Variants in AQP3 observed in about 807,000 individuals in gnomAD.
AQP3 encodes the protein aquaporin 3 (Gill blood group), also known as aquaporin-3.
Under a neutral mutation model 30.3 loss-of-function variants are expected in AQP3, and 15 were observed. The observed-to-expected ratio is 0.49, with a 90% CI of 0.33 to 0.76. The LOEUF is 0.76. Among genes scored for constraint, AQP3 ranks in the 30% least tolerant of loss-of-function variants. AQP3 has a pLI of 0.02. For missense variants in AQP3, 272 were observed against 384.8 expected, an observed-to-expected ratio of 0.71 and a Z score of 2.45; for synonymous variants, 153 against 163.2, an observed-to-expected ratio of 0.94 and a Z score of 0.47.
chr9:33,441,961 G>C lies in AQP3; in HGVS notation c.*82C>G. 1 of 1,567,392 alleles carries C rather than the reference G, an allele frequency of 6.4e-7. No homozygotes were observed. Among genetic ancestry groups the C allele is most frequent in the Non-Finnish European group, 8.7e-7 (1 of 1,152,782 alleles). On this transcript the variant is annotated 3_prime_UTR_variant, in exon 6 of 6. Coordinates refer to ENST00000297991, the MANE Select transcript of AQP3 (RefSeq NM_004925.5). Reference sequence around the variant, plus strand: ...TAGCCTGAAAGGGTGGATCGTGAAGGGGGCTTCTTGGGAGTGGCCCTTGGA... The same window carrying C: ...TAGCCTGAAAGGGTGGATCGTGAAGCGGGCTTCTTGGGAGTGGCCCTTGGA...
intron 1 of AQP3, among the ~76,000 whole-genome samples, chr9:33,447,047 AC>A (rs1404522302): frequency 6.6e-6 from 1 of 152,028 alleles, no homozygotes. Context: ...CCCCTCCCCT[AC>A]ATCTGGGGGC....
intron 1 of AQP3, among the ~76,000 whole-genome samples, chr9:33,445,614 C>G (rs1288008506): frequency 6.6e-6 from 1 of 152,172 alleles, no homozygotes; most frequent in Non-Finnish European, 1.5e-5. Flanking sequence ...CTGGCTCCAT[C>G]CCAGGACGCC....
chr9:33,445,741 A>T lies in AQP3; in HGVS notation c.108+1682T>A, dbSNP rs144170694. On this transcript the variant is annotated intron_variant, in intron 1 of 5. Coordinates refer to ENST00000297991, the MANE Select transcript of AQP3 (RefSeq NM_004925.5). ...ACCGCCCCCTGCCCTCACACCAGGT[A>T]TCTCAGAGAAAGGGGCTTTCCTCAC... Among the ~76,000 whole-genome samples the T allele has an allele frequency of 7.6e-3, 1,163 of 152,134 alleles. 13 individuals are homozygous for T. Among genetic ancestry groups the T allele is most frequent in the African/African-American group, 0.027 (1,112 of 41,474 alleles).
rs1459791155 is a variant in AQP3 at position 33,441,864 on chromosome 9, G to A, written c.*179C>T. The A allele has an allele frequency of 2.0e-6, 2 of 998,068 alleles. No homozygotes were observed. The highest frequency in any genetic ancestry group is 2.3e-5 in the Admixed American group (1 of 43,980). 61.8% of individuals were successfully genotyped at this position (998,068 alleles called of 1,614,324 possible). On this transcript the variant is annotated 3_prime_UTR_variant, in exon 6 of 6. Coordinates refer to ENST00000297991, the MANE Select transcript of AQP3 (RefSeq NM_004925.5). The stretch of plus-strand genomic sequence containing the variant: ...CAGCTTAGGGGCAGTGGCCTAAGGT[G>A]CTATTTGGGCAAGGTCCAGTGGAAA...
rs1373937185 is a variant in AQP3, at chr9:33,442,259, G to C, written c.710+42C>G. 3 of 1,611,432 alleles carry C rather than the reference G, an allele frequency of 1.9e-6. No homozygotes were observed. The East Asian group carries it at 6.7e-5, about 36-fold the overall frequency. ...TCAGGGACATGGGGGGCAGGGCAGA[G>C]GAGAGGCAGGCTGGGGTGAGCTGGG... On this transcript the variant is annotated intron_variant, in intron 5 of 5. Coordinates refer to ENST00000297991, the MANE Select transcript of AQP3 (RefSeq NM_004925.5).
intron 4 of AQP3, 69 bp from the exon 5 acceptor site, chr9:33,442,587 G>A (rs867287384): frequency 1.7e-5 from 24 of 1,451,088 alleles, no homozygotes; most frequent in African/African-American, 9.8e-5. Context: ...TCCATCCCCC[G>A]TCTTCCCTCT....
intron 1 of AQP3, among the ~76,000 whole-genome samples, chr9:33,445,387 A>C (rs1159829812): frequency 6.6e-6 from 1 of 152,214 alleles, no homozygotes; most frequent in African/African-American, 2.4e-5. Context: ...TGGATAGTTA[A>C]GCATTTTGAT....
chr9:33,443,682 C>T lies in AQP3; in HGVS notation c.235+84G>A. The T allele has an allele frequency of 6.2e-7, 1 of 1,601,004 alleles. No homozygotes were observed. The highest frequency in any genetic ancestry group is 8.5e-7 in the Non-Finnish European group (1 of 1,170,372). On this transcript the variant is annotated intron_variant, in intron 2 of 5. Coordinates refer to ENST00000297991, the MANE Select transcript of AQP3 (RefSeq NM_004925.5). This position sits in a 1 kb window ranked among gnomAD's most constrained non-coding sequence, Gnocchi z 5.0. ...CAAGGGGCCAAAGCAGAGGCCACAGCTGTGACCTGCCCTTAGGAATGCCAG... is the reference window on the plus strand; with the variant it reads ...CAAGGGGCCAAAGCAGAGGCCACAGTTGTGACCTGCCCTTAGGAATGCCAG...
rs377135664 is a variant in AQP3, at chr9:33,442,246, G to C, written c.711-35C>G. On this transcript the variant is annotated intron_variant, in intron 5 of 5. Coordinates refer to ENST00000297991, the MANE Select transcript of AQP3 (RefSeq NM_004925.5). ...CAGACACTCATAGTCAGGGACATGG[G>C]GGGCAGGGCAGAGGAGAGGCAGGCT... 5.3e-5 allele frequency: 85 copies of C among 1,611,714 alleles called. No individual in the cohort carries two copies. The Middle Eastern group carries it at 9.9e-4, about 19-fold the overall frequency.
In AQP3 at chr9:33,442,959, G is replaced by A. The variant is rs768715017; in HGVS notation, c.385C>T (p.His129Tyr). 1.2e-6 allele frequency: 2 copies of A among 1,614,046 alleles called. No individual in the cohort carries two copies. Among genetic ancestry groups the A allele is most frequent in the Non-Finnish European group, 1.7e-6 (2 of 1,179,844 alleles). ...ACAAAAAGCTGGTTGTCGGCGAAGTGCCAGATTGCATCTGGTGACAGATTA... is the reference window on the plus strand; with the variant it reads ...ACAAAAAGCTGGTTGTCGGCGAAGTACCAGATTGCATCTGGTGACAGATTA... ...VFGLYYDAIW[H>Y]FADNQLFVSG... Residue 129 changes from histidine to tyrosine, a missense_variant, in exon 4 of 6, where the codon CAC becomes TAC. His to Tyr is a moderately conservative substitution (Grantham distance 83, BLOSUM62 2). Coordinates refer to ENST00000297991, the MANE Select transcript of AQP3 (RefSeq NM_004925.5).
rs551882387 is a variant in AQP3, at chr9:33,447,409, C to T, written c.108+14G>A. On this transcript the variant is annotated intron_variant, in intron 1 of 5. Coordinates refer to ENST00000297991, the MANE Select transcript of AQP3 (RefSeq NM_004925.5). ...GCTGGAGAGAGAAGGGCTTCCCCGG[C>T]TCCCTCCACTCACCACCAGGATGAG... is the stretch of plus-strand genomic sequence containing the variant. The T allele has an allele frequency of 1.1e-5, 17 of 1,578,790 alleles. No individual in the cohort carries two copies. Among genetic ancestry groups the T allele is most frequent in the Non-Finnish European group, 1.4e-5 (16 of 1,159,592 alleles).
In AQP3 at chr9:33,443,563, G is replaced by C. The variant is rs181185448; in HGVS notation, c.236-105C>G. The C allele has an allele frequency of 4.7e-6, 7 of 1,496,242 alleles. No homozygotes were observed. The highest frequency in any genetic ancestry group is 1.4e-5 in the African/African-American group (1 of 72,166). 92.7% of individuals were successfully genotyped at this position (1,496,242 alleles called of 1,614,324 possible). A position where few individuals can be genotyped will look rare whatever the true frequency, so the allele number is the denominator to read the frequency against. ...AGAGGGGTTTCTTGCACAGGATGGC[G>C]GTTGGTCTATGTAACAGGTCAGCTG... On this transcript the variant is annotated intron_variant, in intron 2 of 5. Transcript: ENST00000297991. The surrounding 1 kb of genome is among the most constrained non-coding windows in gnomAD (Gnocchi z 5.0).
At chr9:33,445,155 CTA>C (rs1826897095) in intron 1 of AQP3, among the ~76,000 whole-genome samples, 1 of 152,140 alleles carries the variant, frequency 6.6e-6, no homozygotes. Flanking sequence ...AAAGAACGTA[CTA>C]TGTCTGTTCC....
chr9:33,447,147 T>C (rs1408569571), intron 1 of AQP3, among the ~76,000 whole-genome samples: 1 of 152,188 alleles, frequency 6.6e-6, no homozygotes, highest in Non-Finnish European at 1.5e-5. Context: ...CCCCAGCCTG[T>C]TGGCTGAGTC....
rs1826863801 is a variant in AQP3 at position 33,443,055 on chromosome 9, A to G, written c.374-85T>C. On this transcript the variant is annotated intron_variant, in intron 3 of 5. Coordinates refer to ENST00000297991, the MANE Select transcript of AQP3 (RefSeq NM_004925.5). This position sits in a 1 kb window ranked among gnomAD's most constrained non-coding sequence, Gnocchi z 5.0. ...TCAGGTGTGCCCTCCCCACCCTCCC[A>G]TGAGTTATGGGTAAGTAGCAATACT... 2.4e-6 allele frequency: 3 copies of G among 1,262,716 alleles called. No homozygotes were observed. The Admixed American group carries it at 5.2e-5, about 22-fold the overall frequency. The allele number at this position is 1,262,716 out of a possible 1,614,324, so 78.2% of individuals were successfully genotyped here. A position where few individuals can be genotyped will look rare whatever the true frequency, so the allele number is the denominator to read the frequency against.
intron 1 of AQP3, among the ~76,000 whole-genome samples, chr9:33,447,197 G>GT (rs1186416839): frequency 6.6e-6 from 1 of 152,222 alleles, no homozygotes; most frequent in Non-Finnish European, 1.5e-5. Flanking sequence ...TCACTGGGGA[G>GT]TAACAGCTGT....
At position 33,441,511 on chromosome 9, in the gene AQP3, A is replaced by T. The variant is rs1826830536; in HGVS notation, c.*532T>A. On this transcript the variant is annotated 3_prime_UTR_variant, in exon 6 of 6. Transcript: ENST00000297991. ...AAGCCTGTAGAAGCCCCCACTTAGAAAAAAAGGCAGACATACACATACACA... is the reference window on the plus strand; with the variant it reads ...AAGCCTGTAGAAGCCCCCACTTAGATAAAAAGGCAGACATACACATACACA... 6.3e-6 allele frequency: 1 copy of T among 159,778 alleles called. No individual in the cohort carries two copies. The highest frequency in any genetic ancestry group is 2.4e-5 in the African/African-American group (1 of 41,748). The allele number at this position is 159,778 out of a possible 1,614,324, so 9.9% of individuals were successfully genotyped here.
In AQP3 at chr9:33,443,217, G is replaced by A. The variant is rs1826866043; in HGVS notation, c.373+104C>T. ...GTGAATGAGTGAGTCATGAGCCCGG[G>A]GCCTGGGCAGGTCCTAGCCGTCTGT... On this transcript the variant is annotated intron_variant, in intron 3 of 5. Coordinates refer to ENST00000297991, the MANE Select transcript of AQP3 (RefSeq NM_004925.5). The surrounding 1 kb of genome is among the most constrained non-coding windows in gnomAD (Gnocchi z 5.0). 1.4e-6 allele frequency: 2 copies of A among 1,480,342 alleles called. No homozygotes were observed. The highest frequency in any genetic ancestry group is 3.9e-5 in the Admixed American group (2 of 50,764). The allele number at this position is 1,480,342 out of a possible 1,614,324, so 91.7% of individuals were successfully genotyped here.
At chr9:33,442,549 A>T in intron 4 of AQP3, 31 bp from the exon 5 acceptor site, 1 of 1,567,170 alleles carries the variant, frequency 6.4e-7, no homozygotes, top group Non-Finnish European at 8.7e-7. Context: ...GGTGAGCTGC[A>T]GCTCCCTCCC....
Sources: gnomAD v4.1 joint callset for allele counts (sites outside exome capture counted in the v4.1 genomes callset) on GRCh38, gnomAD v4.1.1 for gene constraint, Gnocchi (gnomAD v3.1) non-coding constraint, MANE v1.5 for transcripts, NCBI Gene and HGNC (gene_info 2026-07-23, HGNC 2026-07-21) for gene names.